The following BCAS3 variants were observed in gnomAD, a reference collection of about 807,000 sequenced individuals.
BCAS3 encodes BCAS3 microtubule associated cell migration factor.
In BCAS3, 53 loss-of-function variants were observed where a neutral mutation model predicts 116.1. That is an observed-to-expected ratio of 0.46 (90% CI 0.37 to 0.57). The LOEUF is 0.57. Ranked by LOEUF, BCAS3 falls within the 20% of genes least tolerant of loss-of-function variation. The pLI is 0.00. For missense variants in BCAS3, 917 were observed against 1,165.4 expected, an observed-to-expected ratio of 0.79 and a Z score of 3.10; for synonymous variants, 391 against 408.2, an observed-to-expected ratio of 0.96 and a Z score of 0.51.
intron 22 of BCAS3, among the ~76,000 whole-genome samples, chr17:61,299,259 C>G (rs943780027): frequency 6.6e-6 from 1 of 151,570 alleles, no homozygotes; most frequent in Non-Finnish European, 1.5e-5. Flanking sequence ...CTGGTTAACA[C>G]GGTGAAACTC....
chr17:61,142,067 A>G lies in BCAS3; in HGVS notation c.2425+57503A>G, dbSNP rs73991493. ...TACACCTTCTCATTTATTGGTGTTT[A>G]TTACATGTAAGATTCTCTTGTTTTA... is the stretch of plus-strand genomic sequence containing the variant. On this transcript the variant is annotated intron_variant, in intron 22 of 23. Coordinates refer to ENST00000407086, the MANE Select transcript of BCAS3 (RefSeq NM_017679.5). Among the ~76,000 whole-genome samples the G allele has an allele frequency of 1.0e-3, 152 of 151,826 alleles. 1 individual carries two copies. The highest frequency in any genetic ancestry group is 3.6e-3 in the African/African-American group (149 of 41,396).
rs1328098985 is a variant in BCAS3, at chr17:61,105,905, A to G, written c.2425+21341A>G. On this transcript the variant is annotated intron_variant, in intron 22 of 23. Transcript: ENST00000407086. This position sits in a 1 kb window ranked among gnomAD's most constrained non-coding sequence, Gnocchi z 4.3. ...AATATTGTCCAGAAATAAACAATTC[A>G]TACATGTTCAATTTTGTGCCTTTCT... Among the ~76,000 whole-genome samples, 3 of 152,226 alleles carry G rather than the reference A, an allele frequency of 2.0e-5. No individual in the cohort carries two copies. The highest frequency in any genetic ancestry group is 2.1e-4 in the South Asian group (1 of 4,836).
At position 61,073,534 on chromosome 17, in the gene BCAS3, T is replaced by A. The variant is rs181793164; in HGVS notation, c.2030-1386T>A. ...TTGGCATTCTCTTTCACTGCTTGGG[T>A]AAGTGTATAACTCTTTCTGGGAACA... is the stretch of plus-strand genomic sequence containing the variant. On this transcript the variant is annotated intron_variant, in intron 19 of 23. Transcript: ENST00000407086. The surrounding 1 kb of genome is among the most constrained non-coding windows in gnomAD (Gnocchi z 4.6). Among the ~76,000 whole-genome samples the A allele has an allele frequency of 2.0e-5, 3 of 152,204 alleles. No individual in the cohort carries two copies. Among genetic ancestry groups the A allele is most frequent in the Non-Finnish European group, 4.4e-5 (3 of 68,032 alleles).
intron 22 of BCAS3, among the ~76,000 whole-genome samples, chr17:61,308,406 G>T (rs1049629660): frequency 7.7e-6 from 1 of 130,570 alleles, no homozygotes; most frequent in African/African-American, 2.9e-5. Context: ...CTAGTGTTCA[G>T]TGAATTTCTG....
At chr17:60,874,007 T>C (rs1307843770) in intron 8 of BCAS3, among the ~76,000 whole-genome samples, 4 of 151,724 alleles carry the variant, frequency 2.6e-5, no homozygotes. Context: ...CTGGGCTTGA[T>C]CTTATCCATC....
At chr17:60,932,897 G>A (rs1040641108) in intron 13 of BCAS3, among the ~76,000 whole-genome samples, 1 of 151,920 alleles carries the variant, frequency 6.6e-6, no homozygotes, top group African/African-American at 2.4e-5. Context: ...CATGGAGGCT[G>A]GAAGCGGTGG....
At chr17:61,030,469 G>C (rs1223193038) in intron 16 of BCAS3, among the ~76,000 whole-genome samples, 1 of 151,978 alleles carries the variant, frequency 6.6e-6, no homozygotes, top group African/African-American at 2.4e-5. Context: ...ACATAATAAA[G>C]GCCAAGGGAA....
chr17:61,373,729 G>GCCCC (rs58524713), intron 23 of BCAS3, among the ~76,000 whole-genome samples: 101,829 of 141,700 alleles, frequency 0.72, 41,480 homozygotes, highest in Non-Finnish European at 0.9. Flanking sequence ...ACGATGCCCA[G>GCCCC]CCCCTGTTTA....
intron 6 of BCAS3, among the ~76,000 whole-genome samples, chr17:60,761,325 T>C (rs1197033171): frequency 6.6e-6 from 1 of 152,114 alleles, no homozygotes; most frequent in Non-Finnish European, 1.5e-5. Flanking sequence ...AACTCGTCAT[T>C]GACATTAGAT....
chr17:61,369,665 G>C (rs57160748), intron 23 of BCAS3, among the ~76,000 whole-genome samples: 3 of 152,132 alleles, frequency 2.0e-5, no homozygotes, highest in Non-Finnish European at 4.4e-5. Context: ...TGGCCTGCCC[G>C]TGGTGCTCCT....
At chr17:61,011,494 C>T (rs2065112543) in intron 15 of BCAS3, among the ~76,000 whole-genome samples, 1 of 152,102 alleles carries the variant, frequency 6.6e-6, no homozygotes, top group Non-Finnish European at 1.5e-5. Flanking sequence ...AAGCCGCAGA[C>T]TCCAGTCATC....
rs1170669707 is a variant in BCAS3 at position 61,224,756 on chromosome 17, TA to T, written c.2425+140195del. On this transcript the variant is annotated intron_variant, in intron 22 of 23. Coordinates refer to ENST00000407086, the MANE Select transcript of BCAS3 (RefSeq NM_017679.5). This position sits in a 1 kb window ranked among gnomAD's most constrained non-coding sequence, Gnocchi z 5.7. ...TAAGTATATGTTTCATTTAATGCAGTAAATCTAAGATATCATTATTTCAAGA... is the reference window on the plus strand; with the variant it reads ...TAAGTATATGTTTCATTTAATGCAGTAATCTAAGATATCATTATTTCAAGA... Among the ~76,000 whole-genome samples the T allele has an allele frequency of 3.3e-5, 5 of 152,238 alleles. No individual in the cohort carries two copies. Among genetic ancestry groups the T allele is most frequent in the African/African-American group, 1.2e-4 (5 of 41,468 alleles).
chr17:60,991,176 T>A (rs1600274136), intron 15 of BCAS3, among the ~76,000 whole-genome samples: 1 of 152,250 alleles, frequency 6.6e-6, no homozygotes, highest in African/African-American at 2.4e-5. Context: ...TTAAACACTA[T>A]TGTTTCCATT....
In BCAS3 at chr17:61,144,043, C is replaced by T. The variant is rs2077065391; in HGVS notation, c.2425+59479C>T. On this transcript the variant is annotated intron_variant, in intron 22 of 23. Transcript: ENST00000407086. This position sits in a 1 kb window ranked among gnomAD's most constrained non-coding sequence, Gnocchi z 5.0. Reference sequence around the variant, plus strand: ...AATTACATTTTAGGCAAGTAATGCTCAAATTTTCTATAAGTGTTCTGAAAA... The same window carrying T: ...AATTACATTTTAGGCAAGTAATGCTTAAATTTTCTATAAGTGTTCTGAAAA... 6.6e-6 allele frequency among the ~76,000 whole-genome samples: 1 copy of T among 152,090 alleles called. No individual in the cohort carries two copies. Among genetic ancestry groups the T allele is most frequent in the Non-Finnish European group, 1.5e-5 (1 of 68,022 alleles).
chr17:61,370,320 C>A (rs553351947), intron 23 of BCAS3, among the ~76,000 whole-genome samples: 2 of 151,194 alleles, frequency 1.3e-5, no homozygotes, highest in Non-Finnish European at 2.9e-5. Context: ...CAAACTGTCA[C>A]CAAAAGGAAT....
rs1276973292 is a variant in BCAS3, at chr17:60,995,206, G to T, written c.1486+4971G>T. ...CTTGCTCTGTCTCCCAGGCTAGAGTGCAGTGGTGCAATCTTGGCTTGCTGC... is the reference window on the plus strand; with the variant it reads ...CTTGCTCTGTCTCCCAGGCTAGAGTTCAGTGGTGCAATCTTGGCTTGCTGC... On this transcript the variant is annotated intron_variant, in intron 15 of 23. Coordinates refer to ENST00000407086, the MANE Select transcript of BCAS3 (RefSeq NM_017679.5). The surrounding 1 kb of genome is among the most constrained non-coding windows in gnomAD (Gnocchi z 4.7). Among the ~76,000 whole-genome samples the T allele has an allele frequency of 6.6e-6, 1 of 152,140 alleles. No homozygotes were observed. Among genetic ancestry groups the T allele is most frequent in the African/African-American group, 2.4e-5 (1 of 41,426 alleles).
rs1169003382 is a variant in BCAS3, at chr17:61,228,055, GC to G, written c.2426-140268del. ...TTTTGCATCTGGTTTTCCTAAGAAG[GC>G]CCCTTCCTTTACACACATTCCTGCA... On this transcript the variant is annotated intron_variant, in intron 22 of 23. Transcript: ENST00000407086. This position sits in a 1 kb window ranked among gnomAD's most constrained non-coding sequence, Gnocchi z 5.0. Among the ~76,000 whole-genome samples the G allele has an allele frequency of 2.0e-5, 3 of 152,132 alleles. No homozygotes were observed. In the East Asian group the frequency reaches 5.8e-4, roughly 29 times the overall value.
At chr17:60,678,736 A>G (rs2032455759) in intron 1 of BCAS3, among the ~76,000 whole-genome samples, 1 of 152,234 alleles carries the variant, frequency 6.6e-6, no homozygotes, top group Non-Finnish European at 1.5e-5. Flanking sequence ...GTAGAGTGAT[A>G]TCATGTCACT....
At chr17:61,172,968 A>G (rs1470472407) in intron 22 of BCAS3, among the ~76,000 whole-genome samples, 2 of 148,478 alleles carry the variant, frequency 1.3e-5, no homozygotes, top group African/African-American at 2.5e-5. Context: ...AGCCTGGGCG[A>G]CAGAGCAAGA....
Sources: gnomAD v4.1 joint callset for allele counts (sites outside exome capture counted in the v4.1 genomes callset) on GRCh38, gnomAD v4.1.1 for gene constraint, Gnocchi (gnomAD v3.1) non-coding constraint, MANE v1.5 for transcripts, NCBI Gene and HGNC (gene_info 2026-07-23, HGNC 2026-07-21) for gene names.